Variants in PCDH15 observed in about 807,000 individuals in gnomAD.
The protein encoded by PCDH15 is protocadherin related 15.
A neutral mutation model predicts 178.5 loss-of-function variants in PCDH15; 129 were observed. That is an observed-to-expected ratio of 0.72 (90% CI 0.63 to 0.84). The LOEUF is 0.84. PCDH15 is among the 40% of genes least tolerant of loss of function. The probability of loss-of-function intolerance (pLI) is 0.00; values close to 1 mark genes in which losing one functional copy is unlikely to be tolerated. For synonymous variants in PCDH15, 800 were observed against 732.0 expected, an observed-to-expected ratio of 1.09 and a Z score of -1.50; for missense variants, 2,230 against 2,099.9, an observed-to-expected ratio of 1.06 and a Z score of -1.21.
chr10:54,588,483 T>C (rs958154641), intron 2 of PCDH15, among the ~76,000 whole-genome samples: 1 of 152,196 alleles, frequency 6.6e-6, no homozygotes, highest in African/African-American at 2.4e-5. Context: ...TGTGGGAGTT[T>C]TTCATAACCA....
At chr10:54,105,833 T>A (rs7916115) in intron 15 of PCDH15, among the ~76,000 whole-genome samples, 1,568 of 152,260 alleles carry the variant, frequency 0.01, 28 homozygotes, top group African/African-American at 0.036. Context: ...CACAAAAATA[T>A]ATGTAAATAT....
chr10:54,760,243 C>A (rs1947695386), intron 1 of PCDH15, among the ~76,000 whole-genome samples: 1 of 151,892 alleles, frequency 6.6e-6, no homozygotes, highest in Admixed American at 6.6e-5. Context: ...TTACAAATTA[C>A]CAAAGCAGAT....
At chr10:55,303,973 G>T (rs575579575) in intron 1 of PCDH15, among the ~76,000 whole-genome samples, 2 of 152,192 alleles carry the variant, frequency 1.3e-5, no homozygotes, top group African/African-American at 4.8e-5. Flanking sequence ...TTAGAAAGGA[G>T]CTTGCATTAT....
chr10:54,650,459 T>A (rs1196993732), intron 2 of PCDH15, among the ~76,000 whole-genome samples: 3 of 152,096 alleles, frequency 2.0e-5, no homozygotes, highest in Non-Finnish European at 4.4e-5. Context: ...TCTATATAAA[T>A]GGCTTAATTA....
intron 15 of PCDH15, among the ~76,000 whole-genome samples, chr10:54,097,837 G>GA (rs995440380): frequency 1.4e-4 from 21 of 152,262 alleles, no homozygotes; most frequent in Middle Eastern, 3.4e-3. Flanking sequence ...TGGGAGGCAG[G>GA]AAAATGCACA....
At chr10:54,554,152 C>T (rs976006522) in intron 2 of PCDH15, among the ~76,000 whole-genome samples, 1 of 151,952 alleles carries the variant, frequency 6.6e-6, no homozygotes, top group Non-Finnish European at 1.5e-5. Flanking sequence ...TTTATTTTCC[C>T]CTGTCTTTGT....
chr10:54,433,301 G>C (rs1957171873), intron 3 of PCDH15, among the ~76,000 whole-genome samples: 3 of 152,160 alleles, frequency 2.0e-5, no homozygotes, highest in Non-Finnish European at 1.5e-5. Context: ...CAAAAGCCAA[G>C]ATTTGGAGGC....
intron 27 of PCDH15, 68 bp downstream of exon 27, chr10:53,866,574 A>C: frequency 1.7e-6 from 2 of 1,186,088 alleles, no homozygotes; most frequent in Non-Finnish European, 2.5e-6. Context: ...GAAGTTCTAT[A>C]AACTGAAAAC....
chr10:55,168,077 T>A (rs575969122), intron 1 of PCDH15, among the ~76,000 whole-genome samples: 1 of 152,304 alleles, frequency 6.6e-6, no homozygotes, highest in Non-Finnish European at 1.5e-5. Flanking sequence ...TAGTACTATA[T>A]TCAAAATATA....
intron 15 of PCDH15, among the ~76,000 whole-genome samples, chr10:54,093,920 CT>C (rs1039480938): frequency 2.6e-5 from 4 of 152,094 alleles, no homozygotes; most frequent in African/African-American, 9.7e-5. Flanking sequence ...TAAATTGCTT[CT>C]TTTTAGTGAA....
intron 8 of PCDH15, among the ~76,000 whole-genome samples, chr10:54,306,840 T>C (rs1416283999): frequency 6.6e-6 from 1 of 150,646 alleles, no homozygotes; most frequent in Non-Finnish European, 1.5e-5. Context: ...AATCACATGA[T>C]CCATCTCCAA....
At chr10:54,528,088 A>G (rs1157952882) in intron 2 of PCDH15, among the ~76,000 whole-genome samples, 3 of 152,086 alleles carry the variant, frequency 2.0e-5, no homozygotes, top group Admixed American at 2.0e-4. Context: ...GTGCATCACA[A>G]AACTACTCAA....
chr10:55,211,929 GC>G (rs1195806151), intron 1 of PCDH15, among the ~76,000 whole-genome samples: 3 of 147,872 alleles, frequency 2.0e-5, no homozygotes, highest in African/African-American at 7.6e-5. Context: ...ACAAAAAGCA[GC>G]CCCCCAAATA....
intron 28 of PCDH15, among the ~76,000 whole-genome samples, chr10:53,845,444 T>C (rs547663966): frequency 6.6e-5 from 10 of 152,092 alleles, no homozygotes; most frequent in African/African-American, 2.2e-4. Context: ...ATCACAGCAC[T>C]ATTCACAGTA....
chr10:54,558,228 A>G (rs114321835), intron 2 of PCDH15, among the ~76,000 whole-genome samples: 2,196 of 152,240 alleles, frequency 0.014, 46 homozygotes, highest in African/African-American at 0.05. Context: ...GAAACCACCT[A>G]TGTTAACAAA....
At chr10:55,553,862 C>T (rs1193175838) in intron 2 of PCDH15, among the ~76,000 whole-genome samples, 6 of 151,782 alleles carry the variant, frequency 4.0e-5, no homozygotes, top group Non-Finnish European at 5.9e-5. Context: ...GATATCTATA[C>T]GTCCTTAAAG....
intron 8 of PCDH15, among the ~76,000 whole-genome samples, chr10:54,259,458 G>T (rs1484201704): frequency 2.0e-5 from 3 of 152,052 alleles, no homozygotes; most frequent in Non-Finnish European, 4.4e-5. Flanking sequence ...AATGTAGATG[G>T]GATCACCAAT....
intron 1 of PCDH15, among the ~76,000 whole-genome samples, chr10:54,764,869 G>A (rs914602615): frequency 6.6e-6 from 1 of 152,112 alleles, no homozygotes; most frequent in African/African-American, 2.4e-5. Flanking sequence ...AGCCTGGTAA[G>A]AGGAAGAATT....
intron 1 of PCDH15, among the ~76,000 whole-genome samples, chr10:55,217,621 G>T (rs75610706): frequency 6.6e-6 from 1 of 151,578 alleles, no homozygotes; most frequent in Non-Finnish European, 1.5e-5. Context: ...TCATAATGCT[G>T]AATCATAATA....
Sources: allele counts gnomAD v4.1 joint callset (sites outside exome capture counted in the v4.1 genomes callset), GRCh38; gene constraint gnomAD v4.1.1; transcripts MANE v1.5; gene names NCBI Gene and HGNC (gene_info 2026-07-23, HGNC 2026-07-21).